Variants in AMZ1 observed in about 807,000 individuals in gnomAD.
AMZ1 encodes archaelysin family metallopeptidase 1.
AMZ1 carries 39 observed loss-of-function variants against 29.9 expected under a neutral mutation model. The ratio of observed to expected loss-of-function variants is 1.30; its 90% CI spans 1.01 to 1.70. The LOEUF (loss-of-function observed/expected upper bound fraction) is 1.70, where lower values mean the gene tolerates loss of function less well. Ranked by LOEUF, AMZ1 falls within the 40% of genes most tolerant of loss-of-function variation. The pLI is 0.00. For missense variants in AMZ1, 1,041 were observed against 680.6 expected (o/e 1.53, Z -5.89); for synonymous variants, 458 against 304.0 (o/e 1.51, Z -5.27).
intron 1 of AMZ1, among the ~76,000 whole-genome samples, chr7:2,689,024 G>A (rs1787222569): frequency 6.6e-6 from 1 of 152,228 alleles, no homozygotes; most frequent in African/African-American, 2.4e-5. Context: ...CCAAGAGTCT[G>A]GCCCGGAGGC....
upstream of AMZ1, chr7:2,762,390 C>T (rs1791602756): frequency 2.2e-6 from 1 of 449,256 alleles, no homozygotes; most frequent in African/African-American, 2.0e-5. Flanking sequence ...TCCCACTTTC[C>T]TCACTGAGGA....
chr7:2,712,249 A>AGG, intron 6 of AMZ1, 81 bp from the exon 7 acceptor site: 2 of 1,412,996 alleles, frequency 1.4e-6, no homozygotes, highest in Non-Finnish European at 1.9e-6. Flanking sequence ...GGGTCCCCTT[A>AGG]GGTAAGGAGG....
chr7:2,709,266 G>A (rs375716276), intron 5 of AMZ1, 22 bp downstream of exon 5: 2 of 1,485,724 alleles, frequency 1.3e-6, no homozygotes, highest in African/African-American at 2.8e-5. Flanking sequence ...CTCTGGGGCT[G>A]GTAAGAGGGG....
At chr7:2,737,927 C>T (rs1194249414) in intron 4 of AMZ1, among the ~76,000 whole-genome samples, 1 of 152,156 alleles carries the variant, frequency 6.6e-6, no homozygotes, top group Non-Finnish European at 1.5e-5. Context: ...CAAAAGAAAT[C>T]CTCATTTTGA....
At chr7:2,726,381 T>C (rs1270421637) in intron 4 of AMZ1, among the ~76,000 whole-genome samples, 1 of 152,188 alleles carries the variant, frequency 6.6e-6, no homozygotes, top group Non-Finnish European at 1.5e-5. Flanking sequence ...CTTCAGTGAC[T>C]GTCAACCCTG....
intron 4 of AMZ1, among the ~76,000 whole-genome samples, chr7:2,726,470 C>T (rs798537): frequency 0.87 from 132,463 of 152,232 alleles, 58,421 homozygotes; most frequent in African/African-American, 0.97. Context: ...GCACACTGCC[C>T]GGGTGAGAGC....
rs1243541249 is a variant in AMZ1 at position 2,682,723 on chromosome 7, AC to A, written c.-219+3058del. On this transcript the variant is annotated intron_variant, in intron 1 of 6. Transcript: ENST00000312371. Reference sequence around the variant, plus strand: ...CCCTGCTTGTGTTCCGAGCCCCTTCACCCCCCAGCCCCTGGCCCTCAGCAAC... The same window carrying A: ...CCCTGCTTGTGTTCCGAGCCCCTTCACCCCCAGCCCCTGGCCCTCAGCAAC... 2.7e-5 allele frequency among the ~76,000 whole-genome samples: 4 copies of A among 146,822 alleles called. No homozygotes were observed. In the South Asian group the frequency reaches 6.5e-4, roughly 24 times the overall value.
chr7:2,755,461 TTG>T (rs1363480381), intron 4 of AMZ1, among the ~76,000 whole-genome samples: 3 of 152,242 alleles, frequency 2.0e-5, no homozygotes, highest in Non-Finnish European at 4.4e-5. Context: ...CCTCTAGATG[TTG>T]TGTTAAATTT....
chr7:2,724,898 G>C (rs1007405696), intron 4 of AMZ1, among the ~76,000 whole-genome samples: 13 of 152,180 alleles, frequency 8.5e-5, no homozygotes, highest in South Asian at 2.1e-4. Context: ...AGCGATTCTC[G>C]TCCCCGCCAC....
At chr7:2,712,042 G>A (rs752402111) in intron 6 of AMZ1, among the ~76,000 whole-genome samples, 5 of 121,976 alleles carry the variant, frequency 4.1e-5, no homozygotes, top group Non-Finnish European at 8.5e-5. Context: ...GTGAGCCTCT[G>A]TCTTAAAAAA....
chr7:2,743,299 T>C (rs971054043), intron 4 of AMZ1, among the ~76,000 whole-genome samples: 1 of 152,168 alleles, frequency 6.6e-6, no homozygotes, highest in African/African-American at 2.4e-5. Context: ...AGCAAAAATA[T>C]CAACATTAGA....
rs145546420 is a variant in AMZ1, at chr7:2,691,640, C to T, written c.-219+3344C>T. ...CCTGCAGTCCCAGCTGTTCGGGAGG[C>T]TCAGGCAGTGAACCCAGGAGGCGGA... On this transcript the variant is annotated intron_variant, in intron 1 of 6. Coordinates refer to ENST00000683327, the MANE Select transcript of AMZ1 (RefSeq NM_001384743.1). 3.8e-3 allele frequency among the ~76,000 whole-genome samples: 506 copies of T among 133,166 alleles called. 50 individuals carry two copies. Among genetic ancestry groups the T allele is most frequent in the African/African-American group, 0.017 (473 of 27,936 alleles). The allele number at this position is 133,166 out of a possible 152,430, so 87.4% of individuals were successfully genotyped here.
chr7:2,716,985 C>T lies in AMZ1; in HGVS notation c.*4107C>T, dbSNP rs1202923623. ...TGTTGTGCAGCTTTCTAAAAGCAAG[C>T]TGGAGCGGTCTGAGCAGGAAGAGAG... On this transcript the variant is annotated 3_prime_UTR_variant, in exon 7 of 7. Coordinates refer to ENST00000683327, the MANE Select transcript of AMZ1 (RefSeq NM_001384743.1). 6.6e-6 allele frequency among the ~76,000 whole-genome samples: 1 copy of T among 152,220 alleles called. No individual in the cohort carries two copies. Among genetic ancestry groups the T allele is most frequent in the Admixed American group, 6.5e-5 (1 of 15,278 alleles).
chr7:2,754,642 G>C (rs1375512112), intron 4 of AMZ1, among the ~76,000 whole-genome samples: 1 of 152,024 alleles, frequency 6.6e-6, no homozygotes, highest in African/African-American at 2.4e-5. Context: ...CAGCTATTAG[G>C]GGAGGCTGGG....
downstream of AMZ1, among the ~76,000 whole-genome samples, chr7:2,722,687 C>T (rs1384464969): frequency 6.6e-6 from 1 of 152,208 alleles, no homozygotes; most frequent in Non-Finnish European, 1.5e-5. Context: ...TGTTAAGAAC[C>T]CAGACTGGGT....
intron 4 of AMZ1, among the ~76,000 whole-genome samples, chr7:2,751,631 G>T (rs1235826846): frequency 1.3e-5 from 2 of 151,946 alleles, no homozygotes; most frequent in Non-Finnish European, 2.9e-5. Flanking sequence ...ACCTCCTAAG[G>T]GAATTAAGAA....
chr7:2,748,206 A>C (rs932577987), intron 4 of AMZ1, among the ~76,000 whole-genome samples: 1 of 151,112 alleles, frequency 6.6e-6, no homozygotes, highest in Non-Finnish European at 1.5e-5. Flanking sequence ...CGCCAAGTCA[A>C]TCCTAAGCCA....
rs1266795502 is a variant in AMZ1 at position 2,716,650 on chromosome 7, T to C, written c.*3772T>C. Reference sequence around the variant, plus strand: ...CTCCATACAGTGCCAAGGGAGCTGCTCTGCAGACCCACCAGGCAGGGACGG... The same window carrying C: ...CTCCATACAGTGCCAAGGGAGCTGCCCTGCAGACCCACCAGGCAGGGACGG... On this transcript the variant is annotated 3_prime_UTR_variant, in exon 7 of 7. Coordinates refer to ENST00000683327, the MANE Select transcript of AMZ1 (RefSeq NM_001384743.1). 1 of 152,164 alleles carries C rather than the reference T, an allele frequency of 6.6e-6. No individual in the cohort carries two copies. Among genetic ancestry groups the C allele is most frequent in the Admixed American group, 6.5e-5 (1 of 15,288 alleles). The allele number at this position is 152,164 out of a possible 1,614,324, so 9.4% of individuals were successfully genotyped here. A position where few individuals can be genotyped will look rare whatever the true frequency, so the allele number is the denominator to read the frequency against.
upstream of AMZ1, among the ~76,000 whole-genome samples, chr7:2,763,757 CA>C (rs1342614920): frequency 6.6e-6 from 1 of 152,188 alleles, no homozygotes; most frequent in Non-Finnish European, 1.5e-5. Flanking sequence ...ATGCCTCCCC[CA>C]CAGGCTCTGC....
Sources: gnomAD v4.1 joint callset for allele counts (sites outside exome capture counted in the v4.1 genomes callset) on GRCh38, gnomAD v4.1.1 for gene constraint, MANE v1.5 for transcripts, NCBI Gene and HGNC (gene_info 2026-07-23, HGNC 2026-07-21) for gene names.